The following PAX2 variants were observed in gnomAD, a reference collection of about 807,000 sequenced individuals.
The protein encoded by PAX2 is paired box protein Pax-2.
In PAX2, 9 loss-of-function variants were observed where a neutral mutation model predicts 41.7. The ratio of observed to expected loss-of-function variants is 0.22; its 90% CI spans 0.13 to 0.38. PAX2 has a LOEUF of 0.38. Among genes scored for constraint, PAX2 ranks in the 10% least tolerant of loss-of-function variants. PAX2 has a pLI of 1.00. For missense variants in PAX2, 418 were observed against 531.6 expected (o/e 0.79, Z 2.10); for synonymous variants, 221 against 212.7 (o/e 1.04, Z -0.34).
chr10:100,755,631 G>A (rs1312869887), intron 3 of PAX2, among the ~76,000 whole-genome samples: 1 of 152,184 alleles, frequency 6.6e-6, no homozygotes, highest in Non-Finnish European at 1.5e-5. Context: ...TGCGTGGAGG[G>A]TGGTCTCCAG....
At chr10:100,825,045 C>T (rs1431093124) in intron 8 of PAX2, 3 of 1,338,242 alleles carry the variant, frequency 2.2e-6, no homozygotes, top group South Asian at 1.2e-5. Flanking sequence ...GAGCACTCAG[C>T]CTCAGCTCCA....
At chr10:100,823,130 C>T (rs1185266289) in intron 7 of PAX2, among the ~76,000 whole-genome samples, 1 of 152,058 alleles carries the variant, frequency 6.6e-6, no homozygotes. Context: ...ATTGACAATA[C>T]TTGGTGACTG....
At chr10:100,797,389 T>C (rs1313411106) in intron 5 of PAX2, among the ~76,000 whole-genome samples, 1 of 152,254 alleles carries the variant, frequency 6.6e-6, no homozygotes, top group Non-Finnish European at 1.5e-5. Context: ...TTCTGGCTCC[T>C]CTGCCATCTG....
rs1240952176 is a variant in PAX2, at chr10:100,745,721, G to A, written c.-540G>A. On this transcript the variant is annotated 5_prime_UTR_variant, in exon 1 of 10. Transcript: ENST00000355243. The stretch of plus-strand genomic sequence containing the variant: ...TGCCTTTTCCGGGGGCGGGGGCCTG[G>A]CCCGCGCGCTCCCCTCCCGCAGGCG... The A allele has an allele frequency of 1.3e-5, 13 of 1,029,128 alleles. No homozygotes were observed. Among genetic ancestry groups the A allele is most frequent in the Non-Finnish European group, 1.5e-5 (13 of 857,210 alleles). The allele number at this position is 1,029,128 out of a possible 1,614,324, so 63.7% of individuals were successfully genotyped here.
chr10:100,811,543 A>T (rs1847990460), intron 7 of PAX2, among the ~76,000 whole-genome samples: 1 of 152,248 alleles, frequency 6.6e-6, no homozygotes, highest in Non-Finnish European at 1.5e-5. Context: ...ACTTTGGGTG[A>T]GTTCTTCTAG....
chr10:100,738,241 C>G (rs1844838689), intron 1 of PAX2, among the ~76,000 whole-genome samples: 1 of 152,232 alleles, frequency 6.6e-6, no homozygotes, highest in Non-Finnish European at 1.5e-5. Context: ...GAGACACAGC[C>G]TGATGCCTCG....
At chr10:100,810,060 A>G (rs927571345) in intron 7 of PAX2, among the ~76,000 whole-genome samples, 4 of 152,026 alleles carry the variant, frequency 2.6e-5, no homozygotes, top group Non-Finnish European at 5.9e-5. Flanking sequence ...TTCTGGAGAC[A>G]CTAAAGCCAA....
chr10:100,744,793 C>A (rs1015020331), upstream of PAX2, among the ~76,000 whole-genome samples: 2 of 152,326 alleles, frequency 1.3e-5, no homozygotes, highest in South Asian at 4.1e-4. Flanking sequence ...GGTGGGTACT[C>A]GCCGGAGGTC....
chr10:100,738,684 C>A (rs528128833), intron 1 of PAX2, among the ~76,000 whole-genome samples: 1 of 152,242 alleles, frequency 6.6e-6, no homozygotes, highest in Admixed American at 6.5e-5. Context: ...GCGGAGCGAA[C>A]TCCTGGAACC....
At chr10:100,786,095 G>T (rs941725650) in intron 5 of PAX2, among the ~76,000 whole-genome samples, 1 of 152,238 alleles carries the variant, frequency 6.6e-6, no homozygotes, top group Non-Finnish European at 1.5e-5. Context: ...AAATGAAGTT[G>T]TGTTAGAAAG....
chr10:100,785,980 A>G (rs1846839530), intron 5 of PAX2, among the ~76,000 whole-genome samples: 1 of 152,200 alleles, frequency 6.6e-6, no homozygotes, highest in African/African-American at 2.4e-5. Context: ...TGTGGAGAGG[A>G]TTCCATGAGG....
At chr10:100,776,158 C>T (rs879646859) in intron 3 of PAX2, among the ~76,000 whole-genome samples, 1 of 152,184 alleles carries the variant, frequency 6.6e-6, no homozygotes, top group African/African-American at 2.4e-5. Context: ...CTTAGCTGCC[C>T]GTTCCATCCT....
At chr10:100,762,417 T>G (rs1391695815) in intron 3 of PAX2, among the ~76,000 whole-genome samples, 3 of 152,064 alleles carry the variant, frequency 2.0e-5, no homozygotes, top group African/African-American at 7.2e-5. Context: ...TTCTTGCACA[T>G]AAGGAGAGCC....
chr10:100,754,021 G>A (rs926420032), intron 3 of PAX2, among the ~76,000 whole-genome samples: 18 of 152,294 alleles, frequency 1.2e-4, no homozygotes, highest in Non-Finnish European at 1.9e-4. Flanking sequence ...TGAGCATGGA[G>A]TTGCCAGCTT....
chr10:100,763,165 T>G (rs1737834924), intron 3 of PAX2, among the ~76,000 whole-genome samples: 3 of 152,358 alleles, frequency 2.0e-5, no homozygotes, highest in Admixed American at 2.0e-4. Flanking sequence ...TCTTTTCCTT[T>G]TTAGTGTTCA....
At position 100,829,426 on chromosome 10, in the gene PAX2, G is replaced by C. The variant is rs1048752397; in HGVS notation, c.*1807G>C. 2 of 205,894 alleles carry C rather than the reference G, an allele frequency of 9.7e-6. No homozygotes were observed. Among genetic ancestry groups the C allele is most frequent in the Non-Finnish European group, 2.0e-5 (2 of 100,522 alleles). The allele number at this position is 205,894 out of a possible 1,614,324, so 12.8% of individuals were successfully genotyped here. A position where few individuals can be genotyped will look rare whatever the true frequency, so the allele number is the denominator to read the frequency against. On this transcript the variant is annotated 3_prime_UTR_variant, in exon 10 of 10. Coordinates refer to ENST00000355243, the MANE Select transcript of PAX2 (RefSeq NM_000278.5). ...GCCCCCTCGCGGGCGTGCCCCGCGC[G>C]CCCCGGGCGGCCGAAGGCCGGGCCG...
At chr10:100,806,311 G>A in intron 5 of PAX2, 119 bp from the exon 6 acceptor site, 7 of 1,022,964 alleles carry the variant, frequency 6.8e-6, no homozygotes, top group Non-Finnish European at 9.1e-6. Context: ...AGAGTAAGGG[G>A]TCCCATAGGG....
At chr10:100,825,052 T>C in intron 8 of PAX2, 3 of 1,283,246 alleles carry the variant, frequency 2.3e-6, no homozygotes, top group Non-Finnish European at 3.4e-6. Context: ...CAGCCTCAGC[T>C]CCACCCTCAG....
At chr10:100,803,353 T>C (rs1847637350) in intron 5 of PAX2, among the ~76,000 whole-genome samples, 1 of 151,978 alleles carries the variant, frequency 6.6e-6, no homozygotes. Context: ...GACCTTCTGA[T>C]CCAGGGCTTC....
Sources: gnomAD v4.1 joint callset for allele counts (sites outside exome capture counted in the v4.1 genomes callset) on GRCh38, gnomAD v4.1.1 for gene constraint, MANE v1.5 for transcripts, NCBI Gene and HGNC (gene_info 2026-07-23, HGNC 2026-07-21) for gene names.